The following ARL15 variants were observed in gnomAD, a reference collection of about 807,000 sequenced individuals.
ARL15 encodes ARF like GTPase 15.
A neutral mutation model predicts 25.2 loss-of-function variants in ARL15; 19 were observed. The observed-to-expected ratio is 0.75, with a 90% CI of 0.53 to 1.10. The LOEUF is 1.10. Among genes scored for constraint, ARL15 ranks in the 50% least tolerant of loss-of-function variants. The pLI is 0.00. For missense variants in ARL15, 220 were observed against 246.0 expected (o/e 0.89, Z 0.71); for synonymous variants, 94 against 86.8 (o/e 1.08, Z -0.46).
chr5:54,297,628 T>C (rs1467658230), intron 1 of ARL15, among the ~76,000 whole-genome samples: 2 of 152,174 alleles, frequency 1.3e-5, no homozygotes, highest in South Asian at 2.1e-4. Context: ...TAGTTTTCCC[T>C]CCCCTTGGAG....
At chr5:53,935,309 A>G (rs1746318385) in intron 4 of ARL15, among the ~76,000 whole-genome samples, 1 of 152,162 alleles carries the variant, frequency 6.6e-6, no homozygotes, top group Admixed American at 6.5e-5. Flanking sequence ...GTAGCTGCCA[A>G]CAAGCAGATA....
In ARL15 at chr5:54,022,728, G is replaced by T. The variant is rs150853433; in HGVS notation, c.462+90474C>A. ...CAGGCCCTTTTTTGAGTCTCATATTGTGTGGGGCTCCCGTCTATATGCATG... is the reference window on the plus strand; with the variant it reads ...CAGGCCCTTTTTTGAGTCTCATATTTTGTGGGGCTCCCGTCTATATGCATG... On this transcript the variant is annotated intron_variant, in intron 4 of 4. Transcript: ENST00000504924. 2.3e-3 allele frequency among the ~76,000 whole-genome samples: 351 copies of T among 152,168 alleles called. 1 individual carries two copies. The highest frequency in any genetic ancestry group is 8.0e-3 in the African/African-American group (332 of 41,526).
At chr5:54,169,467 T>A (rs1754661368) in intron 2 of ARL15, among the ~76,000 whole-genome samples, 1 of 152,196 alleles carries the variant, frequency 6.6e-6, no homozygotes, top group East Asian at 1.9e-4. Flanking sequence ...TCTAGCTATG[T>A]AACAATAGCC....
intron 3 of ARL15, among the ~76,000 whole-genome samples, chr5:54,116,573 C>T (rs778124448): frequency 4.6e-5 from 7 of 152,218 alleles, no homozygotes; most frequent in African/African-American, 1.4e-4. Context: ...GTAAATTCCA[C>T]ATAGCCAACT....
intron 4 of ARL15, among the ~76,000 whole-genome samples, chr5:53,908,428 A>G (rs942249030): frequency 1.3e-5 from 2 of 152,212 alleles, no homozygotes; most frequent in African/African-American, 2.4e-5. Context: ...CAGCATTTAC[A>G]TTATATTAGG....
At chr5:54,261,802 G>T (rs1364990572) in intron 1 of ARL15, among the ~76,000 whole-genome samples, 1 of 152,048 alleles carries the variant, frequency 6.6e-6, no homozygotes, top group Admixed American at 6.6e-5. Flanking sequence ...GAGGGTGGGG[G>T]TCACTTGCTC....
intron 4 of ARL15, among the ~76,000 whole-genome samples, chr5:54,030,536 G>A (rs1324310833): frequency 6.6e-6 from 1 of 152,186 alleles, no homozygotes; most frequent in Non-Finnish European, 1.5e-5. Context: ...AGCTACCTGA[G>A]CTGAGAGTTG....
intron 4 of ARL15, among the ~76,000 whole-genome samples, chr5:53,929,890 G>A (rs1746147110): frequency 6.6e-6 from 1 of 152,226 alleles, no homozygotes; most frequent in Non-Finnish European, 1.5e-5. Context: ...GAGGAAGAGA[G>A]TTTAGTGTGG....
At chr5:54,156,400 G>T (rs564041141) in intron 2 of ARL15, among the ~76,000 whole-genome samples, 90 of 152,310 alleles carry the variant, frequency 5.9e-4, no homozygotes, top group African/African-American at 2.1e-3. Context: ...ATAAGATAAT[G>T]TATGTGTTAT....
intron 1 of ARL15, among the ~76,000 whole-genome samples, chr5:54,205,601 AC>A (rs1259039044): frequency 6.6e-6 from 1 of 152,180 alleles, no homozygotes; most frequent in Non-Finnish European, 1.5e-5. Context: ...TGTTAGTTAA[AC>A]TATTATGCTA....
At chr5:54,014,734 C>T (rs1298476632) in intron 4 of ARL15, among the ~76,000 whole-genome samples, 1 of 151,378 alleles carries the variant, frequency 6.6e-6, no homozygotes, top group Non-Finnish European at 1.5e-5. Context: ...CCATGTTGGT[C>T]AGTCTGGTCT....
chr5:53,913,888 A>G (rs1745542755), intron 4 of ARL15, among the ~76,000 whole-genome samples: 1 of 152,162 alleles, frequency 6.6e-6, no homozygotes, highest in African/African-American at 2.4e-5. Context: ...TATTCACGCT[A>G]TCTTGAAGTA....
chr5:54,290,286 T>C (rs1262594388), intron 1 of ARL15, among the ~76,000 whole-genome samples: 2 of 151,696 alleles, frequency 1.3e-5, no homozygotes, highest in Admixed American at 6.6e-5. Context: ...TATAAGATTA[T>C]ATCAACTATC....
intron 4 of ARL15, among the ~76,000 whole-genome samples, chr5:54,033,690 A>C (rs141028065): frequency 0.016 from 2,507 of 152,204 alleles, 32 homozygotes; most frequent in Non-Finnish European, 0.025. Context: ...AAAAAAAAGA[A>C]AGAAATCACT....
At chr5:53,906,778 G>A (rs186057406) in intron 4 of ARL15, among the ~76,000 whole-genome samples, 70 of 152,200 alleles carry the variant, frequency 4.6e-4, no homozygotes, top group Non-Finnish European at 8.5e-4. Flanking sequence ...AAATTCATTT[G>A]TGCTGCATCA....
intron 1 of ARL15, among the ~76,000 whole-genome samples, chr5:54,270,838 G>A (rs888981171): frequency 6.6e-6 from 1 of 152,238 alleles, no homozygotes; most frequent in Non-Finnish European, 1.5e-5. Flanking sequence ...TGTCTGGGAT[G>A]ATGTTTCCAG....
At chr5:54,115,635 T>C (rs1752877102) in intron 3 of ARL15, among the ~76,000 whole-genome samples, 1 of 152,186 alleles carries the variant, frequency 6.6e-6, no homozygotes, top group Non-Finnish European at 1.5e-5. Flanking sequence ...AAATCTGTGA[T>C]TTCACCATTA....
chr5:54,301,699 C>T (rs1758619822), intron 1 of ARL15, among the ~76,000 whole-genome samples: 1 of 152,206 alleles, frequency 6.6e-6, no homozygotes, highest in Admixed American at 6.5e-5. Context: ...ATGCCTCAAT[C>T]AGTGGTCCTG....
chr5:54,135,627 T>C (rs762889025), intron 3 of ARL15, among the ~76,000 whole-genome samples: 3 of 152,158 alleles, frequency 2.0e-5, no homozygotes, highest in Non-Finnish European at 4.4e-5. Context: ...TGAATGATAA[T>C]AATGAAAACT....
Sources: gnomAD v4.1 joint callset for allele counts (sites outside exome capture counted in the v4.1 genomes callset) on GRCh38, gnomAD v4.1.1 for gene constraint, MANE v1.5 for transcripts, NCBI Gene and HGNC (gene_info 2026-07-23, HGNC 2026-07-21) for gene names.